PNOC: variants seen among roughly 807,000 people sequenced by gnomAD.
The protein encoded by PNOC is prepronociceptin.
PNOC carries 10 observed loss-of-function variants against 15.6 expected under a neutral mutation model. The ratio of observed to expected loss-of-function variants is 0.64; its 90% CI spans 0.40 to 1.09. The LOEUF (loss-of-function observed/expected upper bound fraction) is 1.09, where lower values mean the gene tolerates loss of function less well. Among genes scored for constraint, PNOC ranks in the 50% least tolerant of loss-of-function variants. The pLI, the probability that PNOC is intolerant of heterozygous loss-of-function variation, is 0.01. For synonymous variants in PNOC, 98 were observed against 88.5 expected (o/e 1.11, Z -0.60); for missense variants, 220 against 223.9 (o/e 0.98, Z 0.11).
intron 2 of PNOC, among the ~76,000 whole-genome samples, chr8:28,330,237 T>G (rs1228972216): frequency 1.3e-5 from 2 of 151,532 alleles, no homozygotes; most frequent in Non-Finnish European, 2.9e-5. Context: ...TGAGCCACCG[T>G]GCCCCTCCGC....
At chr8:28,324,798 G>T (rs1255545310) in intron 1 of PNOC, among the ~76,000 whole-genome samples, 4 of 152,152 alleles carry the variant, frequency 2.6e-5, no homozygotes, top group Non-Finnish European at 4.4e-5. Context: ...GGGAGGTGTG[G>T]GTTGCAGTGA....
intron 1 of PNOC, among the ~76,000 whole-genome samples, chr8:28,319,538 C>T (rs1235404881): frequency 6.6e-6 from 1 of 152,152 alleles, no homozygotes; most frequent in East Asian, 1.9e-4. Context: ...AAGGAATTAA[C>T]ATTTCTTGAA....
At chr8:28,328,287 A>G (rs1047205897) in intron 1 of PNOC, among the ~76,000 whole-genome samples, 3 of 151,908 alleles carry the variant, frequency 2.0e-5, no homozygotes, top group Non-Finnish European at 4.4e-5. Flanking sequence ...GATGTTGGCC[A>G]GGCTGGTCTT....
chr8:28,336,554 GGT>G (rs375493900), intron 2 of PNOC, among the ~76,000 whole-genome samples: 304 of 152,282 alleles, frequency 2.0e-3, no homozygotes, highest in African/African-American at 6.3e-3. Context: ...GGCCTCAAGG[GGT>G]GTGTGATGAA....
Position 28,339,036 on chromosome 8 carries a change from G to T in PNOC, c.127-4G>T. 6.3e-7 allele frequency: 1 copy of T among 1,576,232 alleles called. No individual in the cohort carries two copies. Among genetic ancestry groups the T allele is most frequent in the Non-Finnish European group, 8.7e-7 (1 of 1,152,666 alleles). On this transcript the variant is annotated splice_region_variant and splice_polypyrimidine_tract_variant and intron_variant, in intron 2 of 3. Transcript: ENST00000301908. ...CTCCCCTCCTCTCACCCGTATCTTT[G>T]CAGGTGTGCATCCTCGAGTGTGAAG...
chr8:28,337,732 G>A (rs1159570650), intron 2 of PNOC, among the ~76,000 whole-genome samples: 15 of 150,332 alleles, frequency 1.0e-4, no homozygotes, highest in East Asian at 1.9e-4. Flanking sequence ...ACAGGCGCCC[G>A]CCACCACGCC....
intron 1 of PNOC, among the ~76,000 whole-genome samples, chr8:28,319,342 G>A (rs780868441): frequency 1.4e-4 from 21 of 152,078 alleles, no homozygotes; most frequent in Admixed American, 4.6e-4. Flanking sequence ...GACCATGCAA[G>A]GCAGGGTGTA....
chr8:28,337,606 G>A (rs968786086), intron 2 of PNOC, among the ~76,000 whole-genome samples: 7 of 116,240 alleles, frequency 6.0e-5, no homozygotes, highest in Non-Finnish European at 8.6e-5. Flanking sequence ...TTTTTGAGAC[G>A]GAGTCTCGTT....
intron 2 of PNOC, among the ~76,000 whole-genome samples, chr8:28,334,382 C>T (rs1305515038): frequency 1.3e-5 from 2 of 152,204 alleles, no homozygotes; most frequent in African/African-American, 2.4e-5. Context: ...ATCATCCAGT[C>T]TCAGAATCAC....
chr8:28,329,983 G>A (rs1411553826), intron 2 of PNOC, among the ~76,000 whole-genome samples: 1 of 151,992 alleles, frequency 6.6e-6, no homozygotes, highest in Non-Finnish European at 1.5e-5. Context: ...GTCTCACTCT[G>A]TCACTCAGGC....
At chr8:28,338,928 T>G in intron 2 of PNOC, 112 bp from the exon 3 acceptor site, 1 of 1,133,714 alleles carries the variant, frequency 8.8e-7, no homozygotes, top group Non-Finnish European at 1.2e-6. Flanking sequence ...ACTTGATAAC[T>G]TAGATGCTTC....
intron 2 of PNOC, among the ~76,000 whole-genome samples, chr8:28,330,948 T>G (rs184341278): frequency 6.6e-6 from 1 of 152,304 alleles, no homozygotes; most frequent in East Asian, 1.9e-4. Flanking sequence ...GATGCCATCT[T>G]TTAAACCCCT....
intron 1 of PNOC, among the ~76,000 whole-genome samples, chr8:28,325,185 G>A (rs561228967): frequency 1.3e-5 from 2 of 152,240 alleles, no homozygotes; most frequent in African/African-American, 4.8e-5. Context: ...CCCGAGGCTC[G>A]CTGGCCTCCC....
rs765279722 is a variant in PNOC at position 28,339,269 on chromosome 8, G to A, written c.356G>A (p.Gly119Asp). ...EEPEPGMEEAGEMEQKQLQKR... is the reference protein window; with the variant it reads ...EEPEPGMEEADEMEQKQLQKR... ...CCCGAGCCTGGCATGGAGGAGGCTG[G>A]TGAGATGGAGCAGAAGCAGCTGCAG... Residue 119 changes from glycine to aspartate, a missense_variant, in exon 3 of 4, where the codon GGT (glycine) becomes GAT (aspartate). Physicochemically the swap from Gly to Asp is moderately conservative, Grantham distance 94. Coordinates refer to ENST00000301908, the MANE Select transcript of PNOC (RefSeq NM_006228.5). The A allele has an allele frequency of 1.2e-6, 2 of 1,608,604 alleles. No individual in the cohort carries two copies. Among genetic ancestry groups the A allele is most frequent in the Non-Finnish European group, 1.7e-6 (2 of 1,175,340 alleles).
rs146740859 is a variant in PNOC, at chr8:28,336,624, C to T, written c.127-2416C>T. Among the ~76,000 whole-genome samples, 243 of 152,270 alleles carry T rather than the reference C, an allele frequency of 1.6e-3. 2 individuals carry two copies. The highest frequency in any genetic ancestry group is 5.4e-3 in the African/African-American group (223 of 41,546). On this transcript the variant is annotated intron_variant, in intron 2 of 3. Transcript: ENST00000301908. ...ACCAGGTGGTAGAGGGATTTGAATG[C>T]TTTGCTCAAGAGTTTGGAGCTGTTT... is the stretch of plus-strand genomic sequence containing the variant.
chr8:28,333,958 T>C (rs1018648123), intron 2 of PNOC, among the ~76,000 whole-genome samples: 1 of 152,142 alleles, frequency 6.6e-6, no homozygotes, highest in African/African-American at 2.4e-5. Flanking sequence ...CTTGCCACTA[T>C]GGGCACTTTT....
chr8:28,317,265 C>CG, upstream of PNOC: 1 of 152,494 alleles, frequency 6.6e-6, no homozygotes, highest in South Asian at 2.1e-4. Flanking sequence ...GCTGAGAAAG[C>CG]GGAACCGAGC....
intron 1 of PNOC, among the ~76,000 whole-genome samples, chr8:28,318,694 G>A (rs1801099861): frequency 2.0e-5 from 3 of 152,132 alleles, no homozygotes; most frequent in Admixed American, 2.0e-4. Flanking sequence ...GAGGGTCCCT[G>A]GAAAACCCAT....
chr8:28,317,617 T>C (rs1336238308), intron 1 of PNOC, among the ~76,000 whole-genome samples: 1 of 152,108 alleles, frequency 6.6e-6, no homozygotes, highest in Non-Finnish European at 1.5e-5. Flanking sequence ...ACGTGGTTGT[T>C]GCTCTGTGTC....
Sources: gnomAD v4.1 joint callset for allele counts (sites outside exome capture counted in the v4.1 genomes callset) on GRCh38, gnomAD v4.1.1 for gene constraint, MANE v1.5 for transcripts, NCBI Gene and HGNC (gene_info 2026-07-23, HGNC 2026-07-21) for gene names.